Variants in SRCIN1 observed in about 807,000 individuals in gnomAD.
SRCIN1 encodes SRC kinase signaling inhibitor 1, also known as P130Cas-associated protein.
Under a neutral mutation model 116.2 loss-of-function variants are expected in SRCIN1, and 50 were observed. The ratio of observed to expected loss-of-function variants is 0.43; its 90% CI spans 0.34 to 0.54. SRCIN1 has a LOEUF of 0.54. SRCIN1 is among the 20% of genes least tolerant of loss of function. SRCIN1 has a pLI of 0.02. For synonymous variants in SRCIN1, 736 were observed against 750.0 expected (o/e 0.98, Z 0.30); for missense variants, 1,446 against 1,672.0 (o/e 0.86, Z 2.36).
At chr17:38,539,962 C>T (rs751600916) in intron 18 of SRCIN1, among the ~76,000 whole-genome samples, 2 of 142,208 alleles carry the variant, frequency 1.4e-5, no homozygotes, top group East Asian at 2.0e-4. Flanking sequence ...CAGAGGTTGC[C>T]GTGAGCCGAG....
Position 38,562,896 on chromosome 17 carries a change from G to T in SRCIN1, c.765C>A (p.Ile255=), listed in dbSNP as rs774664070. Residue 255 remains isoleucine (I), a synonymous_variant, in exon 6 of 19, where the codon ATC becomes ATA. Transcript: ENST00000617146. The surrounding 1 kb of genome is among the most constrained non-coding windows in gnomAD (Gnocchi z 4.2). ...DVRDIQDRSI[I]KIYRKEPLYA... is the part of the protein sequence containing the mutation. The stretch of plus-strand genomic sequence containing the variant: ...AGAGGGGCTCCTTTCTGTAGATCTT[G>T]ATAATACTGCGGTCCTGGATGTCCC... 6.2e-7 allele frequency: 1 copy of T among 1,613,838 alleles called. No homozygotes were observed. The highest frequency in any genetic ancestry group is 1.1e-5 in the South Asian group (1 of 91,012).
rs540077389 is a variant in SRCIN1 at position 38,532,071 on chromosome 17, C to T, written c.*1226G>A. On this transcript the variant is annotated 3_prime_UTR_variant, in exon 19 of 19. Transcript: ENST00000617146. The surrounding 1 kb of genome is among the most constrained non-coding windows in gnomAD (Gnocchi z 4.3). ...AAAGCCAGGCGGCACTGCCAACCGC[C>T]TCTGCAGGGCAGGCAGGGCGTCCAC... 6.6e-6 allele frequency: 1 copy of T among 152,468 alleles called. No homozygotes were observed. The highest frequency in any genetic ancestry group is 2.4e-5 in the African/African-American group (1 of 41,590). The allele number at this position is 152,468 out of a possible 1,614,324, so 9.4% of individuals were successfully genotyped here. A position where few individuals can be genotyped will look rare whatever the true frequency, so the allele number is the denominator to read the frequency against.
intron 1 of SRCIN1, among the ~76,000 whole-genome samples, chr17:38,588,221 G>A (rs1283156640): frequency 6.6e-6 from 1 of 152,210 alleles, no homozygotes; most frequent in African/African-American, 2.4e-5. Context: ...AGTTGTATCA[G>A]ACCCAGGACT....
chr17:38,537,968 C>G (rs926970513), intron 18 of SRCIN1, among the ~76,000 whole-genome samples: 2 of 150,604 alleles, frequency 1.3e-5, no homozygotes, highest in Non-Finnish European at 2.9e-5. Context: ...GGGGCAGTGG[C>G]AGGCACCTGT....
In SRCIN1 at chr17:38,551,988, G is replaced by T; in HGVS notation, c.2625C>A (p.Ser875Arg). The T allele has an allele frequency of 1.2e-6, 2 of 1,613,980 alleles. No individual in the cohort carries two copies. Among genetic ancestry groups the T allele is most frequent in the African/African-American group, 2.7e-5 (2 of 75,054 alleles). ...PSPPLNLHEL[S>R]GPAEGASLTP... ...TAAGAGAGGCTCCTTCAGCTGGCCC[G>T]CTCAGCTCATGCAGGTTCAGCGGGG... is the stretch of plus-strand genomic sequence containing the variant. Residue 875 changes from serine (S) to arginine (R), a missense_variant, in exon 14 of 19, where the codon AGC (serine) becomes AGA (arginine). Coordinates refer to ENST00000617146, the MANE Select transcript of SRCIN1 (RefSeq NM_025248.3).
Position 38,561,460 on chromosome 17 carries a change from C to T in SRCIN1, c.1700+3G>A, listed in dbSNP as rs754083897. ...TCCCTGAGGCCTGGTTAACGTCCCT[C>T]ACCTGGTCTCCGTGTCCTTGGCTGG... On this transcript the variant is annotated splice_donor_region_variant and intron_variant, in intron 7 of 18. Transcript: ENST00000617146. The T allele has an allele frequency of 8.2e-6, 13 of 1,576,764 alleles. No homozygotes were observed. The highest frequency in any genetic ancestry group is 1.4e-5 in the African/African-American group (1 of 73,116).
In SRCIN1 at chr17:38,578,690, G is replaced by GGCCCCCGCT. The variant is rs1567876187; in HGVS notation, c.115_123dup (p.Ser39_Gly41dup). 5.2e-6 allele frequency: 8 copies of GGCCCCCGCT among 1,541,312 alleles called. No individual in the cohort carries two copies. The highest frequency in any genetic ancestry group is 4.8e-5 in the South Asian group (4 of 83,900). On this transcript the variant is annotated inframe_insertion, in exon 2 of 19. Transcript: ENST00000617146. ...ACCAGCCCCACGTTGGAGAAGCGCC[G>GGCCCCCGCT]GCCCCCGCTGCCCCCGCCGCCCCCG...
intron 11 of SRCIN1, among the ~76,000 whole-genome samples, chr17:38,555,756 A>G (rs1597897790): frequency 1.3e-5 from 2 of 151,982 alleles, no homozygotes; most frequent in Non-Finnish European, 1.5e-5. Flanking sequence ...CAATCCATAC[A>G]CTGTCCTAGC....
chr17:38,560,607 C>A (rs769337810), intron 7 of SRCIN1, among the ~76,000 whole-genome samples, 182 bp from the exon 8 acceptor site: 5 of 152,224 alleles, frequency 3.3e-5, no homozygotes, highest in Admixed American at 1.3e-4. Flanking sequence ...TCTCACCTTT[C>A]ATTCCCTCCC....
Position 38,605,401 on chromosome 17 carries a change from G to C in SRCIN1, c.22+283C>G, listed in dbSNP as rs1035351954. ...TTGAACCCCTCTGGCCCCCACCCCG[G>C]GGCGTAGTGAGGCCCTCCCCACCCA... On this transcript the variant is annotated intron_variant, in intron 1 of 18. Transcript: ENST00000617146. Among the ~76,000 whole-genome samples, 5 of 138,792 alleles carry C rather than the reference G, an allele frequency of 3.6e-5. No individual in the cohort carries two copies. In the South Asian group the frequency reaches 1.3e-3, roughly 35 times the overall value. The allele number at this position is 138,792 out of a possible 152,430, so 91.1% of individuals were successfully genotyped here. A position where few individuals can be genotyped will look rare whatever the true frequency, so the allele number is the denominator to read the frequency against.
In SRCIN1 at chr17:38,561,705, T is replaced by G. The variant is rs1408583427; in HGVS notation, c.1458A>C (p.Gly486=). Reference sequence around the variant, plus strand: ...AGGGGCTGTGCGGTGGCGGGGGACCTCCGGGGGGTGCTGCCACGTCGGCCA... The same window carrying G: ...AGGGGCTGTGCGGTGGCGGGGGACCGCCGGGGGGTGCTGCCACGTCGGCCA... ...QKLADVAAPP[G]GPPPPHSPYS... is the part of the protein sequence containing the mutation. Residue 486 remains glycine, a synonymous_variant, in exon 7 of 19, where the codon GGA becomes GGC. Coordinates refer to ENST00000617146, the MANE Select transcript of SRCIN1 (RefSeq NM_025248.3). The G allele has an allele frequency of 6.5e-7, 1 of 1,537,414 alleles. No individual in the cohort carries two copies.
chr17:38,578,702 C>A lies in SRCIN1; in HGVS notation c.112G>T (p.Gly38Cys). ...YRTLGGGGGG[G>C]SGGRRFSNVG... Reference sequence around the variant, plus strand: ...TTGGAGAAGCGCCGGCCCCCGCTGCCCCCGCCGCCCCCGCCCCCCAGGGTC... The same window carrying A: ...TTGGAGAAGCGCCGGCCCCCGCTGCACCCGCCGCCCCCGCCCCCCAGGGTC... Residue 38 changes from glycine to cysteine, a missense_variant, in exon 2 of 19, where the codon GGC becomes TGC. By Grantham distance (159) the Gly-to-Cys change is radical. This residue lies in a region of SRCIN1 where 246 missense variants were observed against 265.1 expected (regional missense o/e 0.93). Transcript: ENST00000617146. 1 of 1,535,764 alleles carries A rather than the reference C, an allele frequency of 6.5e-7. No homozygotes were observed. The highest frequency in any genetic ancestry group is 8.7e-7 in the Non-Finnish European group (1 of 1,143,700).
At chr17:38,560,808 G>T (rs145804447) in intron 7 of SRCIN1, among the ~76,000 whole-genome samples, 1 of 152,326 alleles carries the variant, frequency 6.6e-6, no homozygotes, top group African/African-American at 2.4e-5. Flanking sequence ...AACTGGGTTT[G>T]CTCAGCTTGG....
At chr17:38,575,920 G>T (rs1409001496) in intron 2 of SRCIN1, among the ~76,000 whole-genome samples, 1 of 152,140 alleles carries the variant, frequency 6.6e-6, no homozygotes, top group African/African-American at 2.4e-5. Flanking sequence ...CCGTGCTTAA[G>T]CACCGAACAT....
chr17:38,563,263 G>A lies in SRCIN1; in HGVS notation c.740+60C>T. On this transcript the variant is annotated intron_variant, in intron 5 of 18. Transcript: ENST00000617146. The surrounding 1 kb of genome is among the most constrained non-coding windows in gnomAD (Gnocchi z 5.8). ...GCTGGGGAAGGGCCGGCGGGGTCCAGCACCCTGCAGAGGAGGAGCGTGGGG... is the reference window on the plus strand; with the variant it reads ...GCTGGGGAAGGGCCGGCGGGGTCCAACACCCTGCAGAGGAGGAGCGTGGGG... The A allele has an allele frequency of 6.5e-7, 1 of 1,539,286 alleles. No individual in the cohort carries two copies.
Position 38,558,203 on chromosome 17 carries a change from C to T in SRCIN1, c.2201+24G>A. On this transcript the variant is annotated intron_variant, in intron 11 of 18. Transcript: ENST00000617146. This position sits in a 1 kb window ranked among gnomAD's most constrained non-coding sequence, Gnocchi z 4.6. ...CACTCCAGCCGCACCCCCACCCCTC[C>T]CTCCGCCGCGGGCCCAGCCTCACTT... 2 of 1,605,500 alleles carry T rather than the reference C, an allele frequency of 1.2e-6. No individual in the cohort carries two copies. Among genetic ancestry groups the T allele is most frequent in the Non-Finnish European group, 1.7e-6 (2 of 1,174,474 alleles).
chr17:38,599,681 G>A (rs1209415866), intron 1 of SRCIN1, among the ~76,000 whole-genome samples: 2 of 152,220 alleles, frequency 1.3e-5, no homozygotes, highest in African/African-American at 4.8e-5. Flanking sequence ...GATGGAGGCA[G>A]GGGGAGAAAA....
chr17:38,579,715 C>T (rs538282176), intron 1 of SRCIN1, among the ~76,000 whole-genome samples: 61 of 152,250 alleles, frequency 4.0e-4, no homozygotes, highest in Admixed American at 6.5e-5. Flanking sequence ...AGGTCCCACG[C>T]GGAACTCTGA....
In SRCIN1 at chr17:38,563,233, A is replaced by G; in HGVS notation, c.740+90T>C. The G allele has an allele frequency of 6.9e-7, 1 of 1,449,444 alleles. No homozygotes were observed. The highest frequency in any genetic ancestry group is 9.4e-7 in the Non-Finnish European group (1 of 1,068,794). The allele number at this position is 1,449,444 out of a possible 1,614,324, so 89.8% of individuals were successfully genotyped here. ...GGGGAAAGGCTGAGGTCGGGTCAGG[A>G]AGGAGCTGGGGAAGGGCCGGCGGGG... is the stretch of plus-strand genomic sequence containing the variant. On this transcript the variant is annotated intron_variant, in intron 5 of 18. Transcript: ENST00000617146. The surrounding 1 kb of genome is among the most constrained non-coding windows in gnomAD (Gnocchi z 5.8).
Sources: gnomAD v4.1 joint callset for allele counts (sites outside exome capture counted in the v4.1 genomes callset) on GRCh38, gnomAD v4.1.1 for gene constraint, gnomAD v4.1.1 regional missense constraint, Gnocchi (gnomAD v3.1) non-coding constraint, MANE v1.5 for transcripts, NCBI Gene and HGNC (gene_info 2026-07-23, HGNC 2026-07-21) for gene names.